Variants in KLF12 observed in about 807,000 individuals in gnomAD.
The protein encoded by KLF12 is Krueppel-like factor 12.
Under a neutral mutation model 37.8 loss-of-function variants are expected in KLF12, and 9 were observed. That is an observed-to-expected ratio of 0.24 (90% CI 0.14 to 0.42). The LOEUF (loss-of-function observed/expected upper bound fraction) is 0.42. Ranked by LOEUF, KLF12 falls within the 10% of genes least tolerant of loss-of-function variation. KLF12 has a pLI of 1.00. For synonymous variants in KLF12, 208 were observed against 202.1 expected (o/e 1.03, Z -0.25); for missense variants, 411 against 516.0 (o/e 0.80, Z 1.97).
At chr13:73,786,144 T>C (rs1294546393) in intron 5 of KLF12, among the ~76,000 whole-genome samples, 1 of 152,132 alleles carries the variant, frequency 6.6e-6, no homozygotes, top group East Asian at 1.9e-4. Flanking sequence ...GGAGAGATTC[T>C]GGCATCCAGC....
chr13:74,220,752 T>G, the KLF12 span, among the ~76,000 whole-genome samples: 2 of 152,182 alleles, frequency 1.3e-5, no homozygotes, highest in Admixed American at 1.3e-4. Flanking sequence ...ACTCCACATA[T>G]AAGATCATGA....
At chr13:73,701,083 A>C (rs1185673613) in intron 7 of KLF12, among the ~76,000 whole-genome samples, 2 of 152,178 alleles carry the variant, frequency 1.3e-5, no homozygotes, top group Non-Finnish European at 2.9e-5. Context: ...TAGAAAGCTA[A>C]ATATAATTTT....
intron 5 of KLF12, among the ~76,000 whole-genome samples, chr13:73,811,970 T>C (rs1882963488): frequency 6.6e-6 from 1 of 152,072 alleles, no homozygotes; most frequent in South Asian, 2.1e-4. Flanking sequence ...TAAAACAAAG[T>C]AGGTATTTAA....
upstream of KLF12, among the ~76,000 whole-genome samples, chr13:74,136,109 G>T (rs1173531930): frequency 6.6e-6 from 1 of 152,206 alleles, no homozygotes; most frequent in African/African-American, 2.4e-5. Context: ...CTGGTCTTGA[G>T]GTTTCGAAGA....
At chr13:74,140,591 C>T in the KLF12 span, among the ~76,000 whole-genome samples, 1 of 152,166 alleles carries the variant, frequency 6.6e-6, no homozygotes, top group Admixed American at 6.5e-5. Flanking sequence ...AGTAAAACAT[C>T]TTAAATTGGT....
At chr13:73,985,953 A>C (rs1282420519) in intron 2 of KLF12, among the ~76,000 whole-genome samples, 1 of 152,240 alleles carries the variant, frequency 6.6e-6, no homozygotes, top group African/African-American at 2.4e-5. Flanking sequence ...GGTATTAACT[A>C]AACTTTAAAT....
rs148775374 is a variant in KLF12 at position 74,018,736 on chromosome 13, C to CTA, written c.-31-23685_-31-23684dup. 8.1e-3 allele frequency among the ~76,000 whole-genome samples: 1,224 copies of CTA among 152,036 alleles called. 12 individuals are homozygous for CTA. Among genetic ancestry groups the CTA allele is most frequent in the African/African-American group, 0.028 (1,152 of 41,446 alleles). Reference sequence around the variant, plus strand: ...TGTTGAAAAAGTATACAAAATAAATCTATATATATATAATTTCCACAAGGC... The same window carrying CTA: ...TGTTGAAAAAGTATACAAAATAAATCTATATATATATATAATTTCCACAAGGC... On this transcript the variant is annotated intron_variant, in intron 1 of 7. Coordinates refer to ENST00000377669, the MANE Select transcript of KLF12 (RefSeq NM_007249.5).
At chr13:74,126,915 CAT>C (rs1383152711) in intron 1 of KLF12, among the ~76,000 whole-genome samples, 2 of 152,190 alleles carry the variant, frequency 1.3e-5, no homozygotes, top group Non-Finnish European at 2.9e-5. Context: ...AACACACTAA[CAT>C]ATGAAAAACC....
intron 2 of KLF12, among the ~76,000 whole-genome samples, chr13:73,986,718 G>A (rs1891836306): frequency 6.6e-6 from 1 of 152,170 alleles, no homozygotes; most frequent in South Asian, 2.1e-4. Context: ...GAAGGAGGGA[G>A]GTAGAAGGGG....
At chr13:73,851,255 T>C (rs1034760130) in intron 3 of KLF12, among the ~76,000 whole-genome samples, 6 of 152,328 alleles carry the variant, frequency 3.9e-5, no homozygotes, top group East Asian at 1.9e-4. Flanking sequence ...TCACTGAATG[T>C]AGCGTAAGAT....
At chr13:73,780,742 G>A (rs901980558) in intron 5 of KLF12, among the ~76,000 whole-genome samples, 2 of 152,226 alleles carry the variant, frequency 1.3e-5, no homozygotes, top group African/African-American at 4.8e-5. Context: ...GATTACAGGC[G>A]TGAGCCACCG....
At chr13:74,000,348 A>G (rs9592963) in intron 1 of KLF12, among the ~76,000 whole-genome samples, 11,661 of 152,256 alleles carry the variant, frequency 0.077, 684 homozygotes, top group African/African-American at 0.17. Flanking sequence ...CTCAGAGTAT[A>G]GTGTTCATAA....
chr13:73,846,979 T>C (rs547555651), intron 3 of KLF12, among the ~76,000 whole-genome samples: 2 of 152,198 alleles, frequency 1.3e-5, no homozygotes, highest in Admixed American at 6.6e-5. Context: ...CTGAAAATTA[T>C]AATTTGTCTA....
At chr13:74,155,899 C>CA in the KLF12 span, among the ~76,000 whole-genome samples, 1 of 152,134 alleles carries the variant, frequency 6.6e-6, no homozygotes, top group African/African-American at 2.4e-5. Flanking sequence ...TGCCAGCCTC[C>CA]AGTGAGGTAC....
chr13:74,230,679 A>G, the KLF12 span, among the ~76,000 whole-genome samples: 1 of 151,978 alleles, frequency 6.6e-6, no homozygotes, highest in African/African-American at 2.4e-5. Flanking sequence ...GATGAATTCT[A>G]CCCCGAGGCA....
At chr13:73,792,492 G>A (rs1405968245) in intron 5 of KLF12, among the ~76,000 whole-genome samples, 1 of 152,078 alleles carries the variant, frequency 6.6e-6, no homozygotes, top group Non-Finnish European at 1.5e-5. Flanking sequence ...AGAGTCTTTA[G>A]CAGGCCATTT....
At chr13:74,286,134 T>G in the KLF12 span, among the ~76,000 whole-genome samples, 2 of 152,242 alleles carry the variant, frequency 1.3e-5, no homozygotes, top group African/African-American at 4.8e-5. Flanking sequence ...TGAATGTTGA[T>G]AGCAGGGTCA....
chr13:74,287,117 G>C, the KLF12 span, among the ~76,000 whole-genome samples: 7 of 152,096 alleles, frequency 4.6e-5, no homozygotes, highest in Non-Finnish European at 8.8e-5. Context: ...GGCAGACCTC[G>C]GCTCACTGCT....
intron 2 of KLF12, among the ~76,000 whole-genome samples, chr13:73,950,593 C>A (rs889293871): frequency 1.3e-5 from 2 of 152,176 alleles, no homozygotes; most frequent in African/African-American, 4.8e-5. Context: ...ATTCCATCTG[C>A]ACCACAGTCA....
Sources: allele counts gnomAD v4.1 joint callset (sites outside exome capture counted in the v4.1 genomes callset), GRCh38; gene constraint gnomAD v4.1.1; transcripts MANE v1.5; gene names NCBI Gene and HGNC (gene_info 2026-07-23, HGNC 2026-07-21).